The following LHFPL3 variants were observed in gnomAD, a reference collection of about 807,000 sequenced individuals.
The protein encoded by LHFPL3 is LHFPL tetraspan subfamily member 3 protein.
A neutral mutation model predicts 19.3 loss-of-function variants in LHFPL3; 5 were observed. The observed-to-expected ratio is 0.26, with a 90% confidence interval of 0.14 to 0.54. The LOEUF is 0.54. LHFPL3 is among the 20% of genes least tolerant of loss of function. The pLI is 0.94. For synonymous variants in LHFPL3, 133 were observed against 126.2 expected (o/e 1.05, Z -0.36); for missense variants, 249 against 307.4 (o/e 0.81, Z 1.42).
chr7:104,884,331 A>T (rs1562825415), intron 2 of LHFPL3, among the ~76,000 whole-genome samples: 1 of 152,112 alleles, frequency 6.6e-6, no homozygotes, highest in Non-Finnish European at 1.5e-5. Flanking sequence ...CTTGCCAAGC[A>T]TGTCCTCCTG....
chr7:104,347,274 AT>A (rs947017607), intron 1 of LHFPL3, among the ~76,000 whole-genome samples: 2 of 152,020 alleles, frequency 1.3e-5, no homozygotes, highest in African/African-American at 4.8e-5. Flanking sequence ...AATCATGCAC[AT>A]TTTGGTGTTG....
chr7:104,459,784 G>T (rs1403615001), intron 1 of LHFPL3, among the ~76,000 whole-genome samples: 1 of 152,148 alleles, frequency 6.6e-6, no homozygotes, highest in Non-Finnish European at 1.5e-5. Context: ...TTATGCATTT[G>T]ATTTTCCAAG....
At chr7:104,498,316 G>A (rs73407630) in intron 1 of LHFPL3, among the ~76,000 whole-genome samples, 3,019 of 152,208 alleles carry the variant, frequency 0.02, 94 homozygotes, top group African/African-American at 0.067. Flanking sequence ...TAGGACCCAT[G>A]AGTTCTATCA....
At chr7:104,867,606 A>G (rs188590634) in intron 2 of LHFPL3, among the ~76,000 whole-genome samples, 3 of 152,358 alleles carry the variant, frequency 2.0e-5, no homozygotes, top group African/African-American at 4.8e-5. Context: ...AACAAAAAAA[A>G]GTCCAGGACC....
rs1422223849 is a variant in LHFPL3 at position 104,348,375 on chromosome 7, C to G, written c.445+19151C>G. ...ACTCCAGCCTGGCGACAGAGCGAGACTCCGTCTCAAAAAAAGAACACAGAT... is the reference window on the plus strand; with the variant it reads ...ACTCCAGCCTGGCGACAGAGCGAGAGTCCGTCTCAAAAAAAGAACACAGAT... On this transcript the variant is annotated intron_variant, in intron 1 of 2. Transcript: ENST00000424859. Among the ~76,000 whole-genome samples the G allele has an allele frequency of 3.3e-5, 5 of 152,128 alleles. No individual in the cohort carries two copies. The East Asian group carries it at 9.6e-4, about 29-fold the overall frequency.
chr7:104,597,563 G>A (rs976465273), intron 1 of LHFPL3, among the ~76,000 whole-genome samples: 25 of 152,154 alleles, frequency 1.6e-4, no homozygotes, highest in Non-Finnish European at 4.4e-5. Context: ...TATTGACATG[G>A]TGGGGGGAGG....
At chr7:104,393,924 A>C (rs1266901568) in intron 1 of LHFPL3, among the ~76,000 whole-genome samples, 1 of 152,182 alleles carries the variant, frequency 6.6e-6, no homozygotes, top group Non-Finnish European at 1.5e-5. Context: ...AGATAAATTA[A>C]TGATTGCTAG....
chr7:104,560,008 C>A (rs1584401518), intron 1 of LHFPL3, among the ~76,000 whole-genome samples: 1 of 149,526 alleles, frequency 6.7e-6, no homozygotes, highest in East Asian at 1.9e-4. Context: ...ATTGAACCAG[C>A]CTTGCATCCC....
At chr7:104,363,874 T>C (rs1296459550) in intron 1 of LHFPL3, among the ~76,000 whole-genome samples, 1 of 152,192 alleles carries the variant, frequency 6.6e-6, no homozygotes, top group Non-Finnish European at 1.5e-5. Flanking sequence ...AGAATAGGTT[T>C]GATTTAATTA....
chr7:104,786,061 A>C (rs1363770081), intron 2 of LHFPL3, among the ~76,000 whole-genome samples: 6 of 152,180 alleles, frequency 3.9e-5, no homozygotes, highest in Non-Finnish European at 5.9e-5. Context: ...ACCGTCCACT[A>C]TTCCCAACCT....
At chr7:104,338,702 C>CTTTTTTTTTTTTTTT (rs1554376988) in intron 1 of LHFPL3, among the ~76,000 whole-genome samples, 1 of 152,084 alleles carries the variant, frequency 6.6e-6, no homozygotes, top group African/African-American at 2.4e-5. Flanking sequence ...CCATTTATGA[C>CTTTTTTTTTTTTTTT]TTTTATTGCT....
At chr7:104,872,179 A>G (rs1791850041) in intron 2 of LHFPL3, among the ~76,000 whole-genome samples, 1 of 151,458 alleles carries the variant, frequency 6.6e-6, no homozygotes, top group East Asian at 2.0e-4. Flanking sequence ...TCTACTAAAA[A>G]TACAAAAATT....
At chr7:104,789,032 T>C in intron 2 of LHFPL3, among the ~76,000 whole-genome samples, 1 of 152,232 alleles carries the variant, frequency 6.6e-6, no homozygotes, top group East Asian at 1.9e-4. Flanking sequence ...TTCTTGTATT[T>C]GTGGACTATG....
At chr7:104,724,576 C>G (rs1369075314) in intron 1 of LHFPL3, among the ~76,000 whole-genome samples, 2 of 152,050 alleles carry the variant, frequency 1.3e-5, no homozygotes, top group Non-Finnish European at 2.9e-5. Context: ...TGGACACATA[C>G]AGTGGAACGA....
chr7:104,542,259 G>T (rs1172145937), intron 1 of LHFPL3, among the ~76,000 whole-genome samples: 1 of 152,036 alleles, frequency 6.6e-6, no homozygotes, highest in Non-Finnish European at 1.5e-5. Context: ...GACCTTAAAA[G>T]TGTTTCCATT....
chr7:104,611,997 CT>C (rs915513272), intron 1 of LHFPL3, among the ~76,000 whole-genome samples: 12 of 152,024 alleles, frequency 7.9e-5, no homozygotes, highest in African/African-American at 1.2e-4. Context: ...TCAAAAACGT[CT>C]TTTTTTTCTT....
At chr7:104,518,239 A>G (rs983015326) in intron 1 of LHFPL3, among the ~76,000 whole-genome samples, 1 of 152,196 alleles carries the variant, frequency 6.6e-6, no homozygotes, top group Non-Finnish European at 1.5e-5. Flanking sequence ...ACTAATAATT[A>G]TAATTCAGAA....
At position 104,830,526 on chromosome 7, in the gene LHFPL3, G is replaced by A. The variant is rs1389482497; in HGVS notation, c.683-75661G>A. Among the ~76,000 whole-genome samples the A allele has an allele frequency of 2.0e-5, 3 of 151,800 alleles. No individual in the cohort carries two copies. In the East Asian group the frequency reaches 5.8e-4, roughly 29 times the overall value. On this transcript the variant is annotated intron_variant, in intron 2 of 2. Transcript: ENST00000424859. ...ATTTTTGTATAAGGTGTAAGGAAGG[G>A]ATCCAGTTTCAGCTTTCTACATATG...
intron 1 of LHFPL3, among the ~76,000 whole-genome samples, chr7:104,565,753 A>G (rs911750668): frequency 6.8e-6 from 1 of 147,772 alleles, no homozygotes; most frequent in African/African-American, 2.6e-5. Flanking sequence ...CTATCTATCT[A>G]TCTATCTATC....
Sources: gnomAD v4.1 joint callset for allele counts (sites outside exome capture counted in the v4.1 genomes callset) on GRCh38, gnomAD v4.1.1 for gene constraint, MANE v1.5 for transcripts, NCBI Gene and HGNC (gene_info 2026-07-23, HGNC 2026-07-21) for gene names.